TMEM134: variants seen among roughly 807,000 people sequenced by gnomAD.
The protein encoded by TMEM134 is transmembrane protein 134.
In TMEM134, 36 loss-of-function variants were observed where a neutral mutation model predicts 26.2. That is an observed-to-expected ratio of 1.37 (90% CI 1.05 to 1.81). The LOEUF (loss-of-function observed/expected upper bound fraction) is 1.81. Ranked by LOEUF, TMEM134 falls within the 40% of genes most tolerant of loss-of-function variation. TMEM134 has a pLI of 0.00. For missense variants in TMEM134, 339 were observed against 263.5 expected (o/e 1.29, Z -1.98); for synonymous variants, 133 against 113.6 (o/e 1.17, Z -1.08).
chr11:67,466,217 G>GC (rs1293025378), intron 4 of TMEM134: 1 of 151,992 alleles, frequency 6.6e-6, no homozygotes, highest in East Asian at 1.9e-4. Flanking sequence ...GTGTGGTGGC[G>GC]CGCGCCTGTA....
chr11:67,467,286 T>C (rs200067996), intron 4 of TMEM134, 26 bp downstream of exon 4: 1 of 1,612,178 alleles, frequency 6.2e-7, no homozygotes, highest in East Asian at 2.2e-5. Context: ...GGGCCCCTCT[T>C]GACCCCAACC....
intron 4 of TMEM134, chr11:67,466,049 G>A (rs1865225428): frequency 6.6e-6 from 1 of 152,160 alleles, no homozygotes; most frequent in African/African-American, 2.4e-5. Context: ...TCCAGCTTGG[G>A]CAACAGAACA....
At chr11:67,468,759 T>C (rs749928935) in intron 1 of TMEM134, among the ~76,000 whole-genome samples, 2 of 152,026 alleles carry the variant, frequency 1.3e-5, no homozygotes, top group African/African-American at 2.4e-5. Flanking sequence ...GGGAATCCGG[T>C]TGGGTTCCCC....
chr11:67,467,676 G>T, intron 2 of TMEM134, 86 bp from the exon 3 acceptor site: 1 of 1,346,490 alleles, frequency 7.4e-7, no homozygotes, highest in Non-Finnish European at 1.1e-6. Context: ...GCAGGGCATG[G>T]TGCAGGGACT....
intron 1 of TMEM134, 156 bp from the exon 2 acceptor site, chr11:67,468,248 T>G: frequency 1.5e-6 from 1 of 672,628 alleles, no homozygotes; most frequent in Admixed American, 2.5e-5. Context: ...GGTTTGGTGA[T>G]TCACAGAAAC....
In TMEM134 at chr11:67,464,143, C is replaced by T. The variant is rs183368368; in HGVS notation, c.*471G>A. On this transcript the variant is annotated 3_prime_UTR_variant, in exon 7 of 7. Coordinates refer to ENST00000308022, the MANE Select transcript of TMEM134 (RefSeq NM_025124.4). ...GGGCTGGGGGTGGGGCAGGCTGTTC[C>T]GGCCGGCTCCTGGCTGGCAAGGCAG... 398 of 187,866 alleles carry T rather than the reference C, an allele frequency of 2.1e-3. No homozygotes were observed. Among genetic ancestry groups the T allele is most frequent in the African/African-American group, 8.8e-3 (367 of 41,776 alleles). The allele number at this position is 187,866 out of a possible 1,614,324, so 11.6% of individuals were successfully genotyped here. A position where few individuals can be genotyped will look rare whatever the true frequency, so the allele number is the denominator to read the frequency against.
In TMEM134 at chr11:67,467,304, C is replaced by A; in HGVS notation, c.406+8G>T. ...CCCCTCTTGACCCCAACCCTCAGGG[C>A]CACTCACCCAGCCCCAGCAGCAGGA... On this transcript the variant is annotated splice_region_variant and intron_variant, in intron 4 of 6. Coordinates refer to ENST00000308022, the MANE Select transcript of TMEM134 (RefSeq NM_025124.4). The A allele has an allele frequency of 1.2e-6, 2 of 1,613,478 alleles. No homozygotes were observed. Among genetic ancestry groups the A allele is most frequent in the Admixed American group, 1.7e-5 (1 of 60,016 alleles).
Position 67,464,630 on chromosome 11 carries a change from G to C in TMEM134, c.572C>G (p.Pro191Arg). Residue 191 changes from proline to arginine, a missense_variant, in exon 7 of 7, where the codon CCC becomes CGC. By Grantham distance (103) the Pro-to-Arg change is moderately radical (BLOSUM62 -2). Transcript: ENST00000308022. ...GHRGFQFFYLPYFEK is the reference protein window; with the variant it reads ...GHRGFQFFYLRYFEK ...GCGCCGCGATCACTTCTCGAAGTAGGGCAGGTAGAAGAACTGGAAGCCCCG... is the reference window on the plus strand; with the variant it reads ...GCGCCGCGATCACTTCTCGAAGTAGCGCAGGTAGAAGAACTGGAAGCCCCG... 1 of 1,552,776 alleles carries C rather than the reference G, an allele frequency of 6.4e-7. No individual in the cohort carries two copies.
At position 67,469,079 on chromosome 11, in the gene TMEM134, G is replaced by A; in HGVS notation, c.114C>T (p.Phe38=). ...CCACCTCGAACCGGGCCCGACGCTC[G>A]AAGTGCAGCGGCCCAAAGCGCGCGA... is the stretch of plus-strand genomic sequence containing the variant. ...SGVARFGPLH[F]ERRARFEVAD... Residue 38 remains phenylalanine (F), a synonymous_variant, in exon 1 of 7, where the codon TTC becomes TTT. Transcript: ENST00000308022. 2 of 1,515,290 alleles carry A rather than the reference G, an allele frequency of 1.3e-6. No individual in the cohort carries two copies. The highest frequency in any genetic ancestry group is 8.8e-7 in the Non-Finnish European group (1 of 1,132,144). The allele number at this position is 1,515,290 out of a possible 1,614,324, so 93.9% of individuals were successfully genotyped here.
intron 2 of TMEM134, 89 bp downstream of exon 2, chr11:67,467,939 T>G: frequency 5.0e-6 from 6 of 1,189,924 alleles, no homozygotes; most frequent in Non-Finnish European, 7.2e-6. Flanking sequence ...TGGAAGAGAG[T>G]GAGTGAAGTG....
At chr11:67,468,132 G>T in intron 1 of TMEM134, 40 bp from the exon 2 acceptor site, 1 of 1,534,046 alleles carries the variant, frequency 6.5e-7, no homozygotes, top group Non-Finnish European at 8.8e-7. Context: ...TGCTGGGCTG[G>T]GGCCCTTCCT....
intron 4 of TMEM134, 65 bp from the exon 5 acceptor site, chr11:67,465,165 C>A (rs1366928512): frequency 6.5e-7 from 1 of 1,534,928 alleles, no homozygotes; most frequent in Middle Eastern, 1.7e-4. Context: ...GCTCCCACCC[C>A]CAGCCCGGCT....
chr11:67,466,922 G>A, intron 4 of TMEM134: 1 of 254,170 alleles, frequency 3.9e-6, no homozygotes, highest in Non-Finnish European at 7.7e-6. Context: ...CCCTACACGT[G>A]GCTTCTGGGC....
chr11:67,465,672 T>C (rs927835365), intron 4 of TMEM134, among the ~76,000 whole-genome samples: 2 of 152,052 alleles, frequency 1.3e-5, no homozygotes, highest in Admixed American at 6.6e-5. Context: ...ATGCCTGTAA[T>C]CCCAGTGCTT....
rs2134234418 is a variant in TMEM134, at chr11:67,468,074, C to T, written c.193G>A (p.Asp65Asn). 2.6e-6 allele frequency: 4 copies of T among 1,564,104 alleles called. No individual in the cohort carries two copies. In the South Asian group the frequency reaches 4.7e-5, roughly 18 times the overall value. ...GGCTCCGGAGAGGCCTGGGCTCCAT[C>T]CTCATCGTTCTCCAGGTTCTGTTGC... Reference protein sequence around the residue: ...LRYQNLENDEDGAQASPEPDG... With the variant: ...LRYQNLENDENGAQASPEPDG... The change falls in exon 2 of 7, where the codon GAT becomes AAT. Residue 65 changes from aspartate (D) to asparagine (N), a missense_variant. Physicochemically the swap from Asp to Asn is conservative, Grantham distance 23 (BLOSUM62 1). Transcript: ENST00000308022.
rs1865094943 is a variant in TMEM134 at position 67,464,190 on chromosome 11, C to A, written c.*424G>T. 9.0e-5 allele frequency: 24 copies of A among 266,502 alleles called. No homozygotes were observed. Among genetic ancestry groups the A allele is most frequent in the South Asian group, 8.2e-4 (24 of 29,106 alleles). The allele number at this position is 266,502 out of a possible 1,614,324, so 16.5% of individuals were successfully genotyped here. On this transcript the variant is annotated 3_prime_UTR_variant, in exon 7 of 7. Transcript: ENST00000308022. ...GCAGGAGTCCTACGCCCAGCTCTGCCCCTAACATGCCCCGTGCCCTTGGGC... is the reference window on the plus strand; with the variant it reads ...GCAGGAGTCCTACGCCCAGCTCTGCACCTAACATGCCCCGTGCCCTTGGGC...
intron 5 of TMEM134, 50 bp downstream of exon 5, chr11:67,465,006 G>T (rs768596989): frequency 5.3e-6 from 8 of 1,500,222 alleles, no homozygotes; most frequent in Admixed American, 1.8e-5. Context: ...TGGACCCGTG[G>T]ACACAAGACA....
chr11:67,467,190 C>G, intron 4 of TMEM134, 122 bp downstream of exon 4: 1 of 884,750 alleles, frequency 1.1e-6, no homozygotes, highest in East Asian at 2.5e-5. Flanking sequence ...GTGATGATGG[C>G]AGCCAGCTGC....
chr11:67,464,557 C>T lies in TMEM134; in HGVS notation c.*57G>A, dbSNP rs1470332560. The T allele has an allele frequency of 2.0e-6, 3 of 1,519,216 alleles. No homozygotes were observed. The highest frequency in any genetic ancestry group is 1.8e-6 in the Non-Finnish European group (2 of 1,117,940). The allele number at this position is 1,519,216 out of a possible 1,614,324, so 94.1% of individuals were successfully genotyped here. A position where few individuals can be genotyped will look rare whatever the true frequency, so the allele number is the denominator to read the frequency against. ...GCCTCTTCCCTTGAGATGAGGGGAACGGAACAGGGCAAGAGGGGCGCCCCC... is the reference window on the plus strand; with the variant it reads ...GCCTCTTCCCTTGAGATGAGGGGAATGGAACAGGGCAAGAGGGGCGCCCCC... On this transcript the variant is annotated 3_prime_UTR_variant, in exon 7 of 7. Transcript: ENST00000308022.
Sources: gnomAD v4.1 joint callset for allele counts (sites outside exome capture counted in the v4.1 genomes callset) on GRCh38, gnomAD v4.1.1 for gene constraint, MANE v1.5 for transcripts, NCBI Gene and HGNC (gene_info 2026-07-23, HGNC 2026-07-21) for gene names.